The following WDR27 variants were observed in gnomAD, a reference collection of about 807,000 sequenced individuals.
The protein encoded by WDR27 is WD repeat domain 27, also known as WD repeat-containing protein 27.
Under a neutral mutation model 114.4 loss-of-function variants are expected in WDR27, and 100 were observed. That is an observed-to-expected ratio of 0.87 (90% CI 0.74 to 1.03). WDR27 has a LOEUF of 1.03. Ranked by LOEUF, WDR27 falls within the 50% of genes least tolerant of loss-of-function variation. The probability of loss-of-function intolerance (pLI) is 0.00; values close to 1 mark genes in which losing one functional copy is unlikely to be tolerated. For synonymous variants in WDR27, 449 were observed against 423.1 expected (o/e 1.06, Z -0.75); for missense variants, 1,129 against 1,092.9 (o/e 1.03, Z -0.47).
chr6:169,547,284 G>T (rs1286705978), intron 25 of WDR27, among the ~76,000 whole-genome samples: 1 of 151,872 alleles, frequency 6.6e-6, no homozygotes, highest in Non-Finnish European at 1.5e-5. Flanking sequence ...TCCTTTAAAG[G>T]ATAGAAACAG....
rs556149488 is a variant in WDR27, at chr6:169,700,175, T to C, written c.-8+1376A>G. ...GTCATATTTAACCACTGCATTTTAG[T>C]GGGGAGAGCAACTAGTTTGTCTTCT... On this transcript the variant is annotated intron_variant, in intron 1 of 25. Transcript: ENST00000448612. Among the ~76,000 whole-genome samples, 5 of 152,312 alleles carry C rather than the reference T, an allele frequency of 3.3e-5. No homozygotes were observed. In the East Asian group the frequency reaches 5.8e-4, roughly 18 times the overall value.
At chr6:169,559,282 A>T (rs937701083) in intron 25 of WDR27, 1 of 152,228 alleles carries the variant, frequency 6.6e-6, no homozygotes, top group African/African-American at 2.4e-5. Context: ...TGTAGTCTGT[A>T]CGGCAGCCTT....
chr6:169,665,387 G>A (rs1246138808), intron 7 of WDR27, 99 bp downstream of exon 7: 70 of 1,479,282 alleles, frequency 4.7e-5, no homozygotes, highest in African/African-American at 7.1e-5. Context: ...TTTTCAAATC[G>A]CAGGAAAATA....
chr6:169,484,170 G>A (rs1788569672), intron 25 of WDR27, among the ~76,000 whole-genome samples: 2 of 152,090 alleles, frequency 1.3e-5, no homozygotes, highest in East Asian at 3.9e-4. Context: ...GGAAGTCCTG[G>A]CCAGAGCAAT....
intron 24 of WDR27, among the ~76,000 whole-genome samples, chr6:169,577,825 C>A (rs1802680760): frequency 6.6e-6 from 1 of 152,142 alleles, no homozygotes; most frequent in African/African-American, 2.4e-5. Flanking sequence ...TGGTCTCCTC[C>A]CCTTGGGCTA....
chr6:169,591,425 T>C (rs1393734866), intron 23 of WDR27, among the ~76,000 whole-genome samples: 1 of 152,216 alleles, frequency 6.6e-6, no homozygotes, highest in Non-Finnish European at 1.5e-5. Flanking sequence ...TGCAATTCTC[T>C]AAGAAATAAC....
chr6:169,634,475 C>G lies in WDR27; in HGVS notation c.2054G>C (p.Gly685Ala). 1 of 1,613,326 alleles carries G rather than the reference C, an allele frequency of 6.2e-7. No homozygotes were observed. Among genetic ancestry groups the G allele is most frequent in the African/African-American group, 1.3e-5 (1 of 75,022 alleles). Residue 685 changes from glycine to alanine, a missense_variant, in exon 20 of 26, where the codon GGT (glycine) becomes GCT (alanine). Transcript: ENST00000448612. Reference protein sequence around the residue: ...SKLICRLSTTGAVDMTSLSAV... With the variant: ...SKLICRLSTTAAVDMTSLSAV... Reference sequence around the variant, plus strand: ...CGATAAACTGGTCATGTCTACTGCACCCGTCGTGGAGAGCCTGCAAATCAG... The same window carrying G: ...CGATAAACTGGTCATGTCTACTGCAGCCGTCGTGGAGAGCCTGCAAATCAG...
At chr6:169,474,988 C>T (rs537763920) in intron 25 of WDR27, among the ~76,000 whole-genome samples, 2 of 152,152 alleles carry the variant, frequency 1.3e-5, no homozygotes, top group Admixed American at 1.3e-4. Context: ...CCCAGTGACT[C>T]TGAGGTCTAG....
Position 169,668,067 on chromosome 6 carries a change from C to T in WDR27, c.575G>A (p.Gly192Asp), listed in dbSNP as rs1828378908. The T allele has an allele frequency of 1.9e-6, 3 of 1,613,918 alleles. No individual in the cohort carries two copies. The highest frequency in any genetic ancestry group is 2.5e-6 in the Non-Finnish European group (3 of 1,179,798). ...QTQAVRAELQ[G>D]HLGPVTAVEF... ...CACCGCAGTCACCGGGCCCAGGTGG[C>T]CCTGCAGCTCGGCCCGAACAGCCTG... Residue 192 changes from glycine to aspartate, a missense_variant, in exon 5 of 26, where the codon GGC becomes GAC. Coordinates refer to ENST00000448612, the MANE Select transcript of WDR27 (RefSeq NM_182552.5).
chr6:169,481,753 G>A (rs554801744), intron 25 of WDR27, among the ~76,000 whole-genome samples: 26 of 152,104 alleles, frequency 1.7e-4, no homozygotes, highest in Non-Finnish European at 4.4e-5. Context: ...AACAACTCCA[G>A]ACGTGCCTCC....
intron 17 of WDR27, among the ~76,000 whole-genome samples, chr6:169,642,078 C>T (rs1256309185): frequency 6.6e-6 from 1 of 152,176 alleles, no homozygotes; most frequent in Non-Finnish European, 1.5e-5. Context: ...GATGTGCTAC[C>T]TGACTGTATG....
chr6:169,608,322 A>G (rs1310784421), intron 22 of WDR27, among the ~76,000 whole-genome samples: 2 of 152,152 alleles, frequency 1.3e-5, no homozygotes, highest in East Asian at 3.9e-4. Context: ...TATGGAACCA[A>G]TCTAAGTGCC....
chr6:169,670,568 C>T lies in WDR27; in HGVS notation c.456+1G>A. 1 of 1,613,994 alleles carries T rather than the reference C, an allele frequency of 6.2e-7. No individual in the cohort carries two copies. The highest frequency in any genetic ancestry group is 8.5e-7 in the Non-Finnish European group (1 of 1,179,868). On this transcript the variant is annotated splice_donor_variant, in intron 4 of 25. Coordinates refer to ENST00000448612, the MANE Select transcript of WDR27 (RefSeq NM_182552.5). LOFTEE classifies it high-confidence loss of function. ...GAAATCCACGTGAATTTCAATCTTA[C>T]CTCAATATCCAGCATGAATATTTTG...
intron 25 of WDR27, among the ~76,000 whole-genome samples, chr6:169,533,013 G>A: frequency 6.6e-6 from 1 of 152,040 alleles, no homozygotes. Context: ...GAGATGTAGA[G>A]GTCTCAAGAG....
At chr6:169,556,711 C>A (rs1034285476) in intron 25 of WDR27, among the ~76,000 whole-genome samples, 1 of 152,084 alleles carries the variant, frequency 6.6e-6, no homozygotes, top group East Asian at 1.9e-4. Context: ...TACTGCAATA[C>A]CTGTCTAGAG....
chr6:169,475,412 G>A (rs919511288), intron 25 of WDR27, among the ~76,000 whole-genome samples: 2 of 151,996 alleles, frequency 1.3e-5, no homozygotes, highest in African/African-American at 4.8e-5. Flanking sequence ...TAGTAGAGAC[G>A]GGTTTTTGCC....
At chr6:169,552,512 TC>T (rs1379341131) in intron 25 of WDR27, among the ~76,000 whole-genome samples, 1 of 152,154 alleles carries the variant, frequency 6.6e-6, no homozygotes, top group African/African-American at 2.4e-5. Context: ...TCATAAACTT[TC>T]TTGAATTAAT....
chr6:169,477,724 G>A (rs1409608005), intron 25 of WDR27, among the ~76,000 whole-genome samples: 1 of 152,162 alleles, frequency 6.6e-6, no homozygotes, highest in Non-Finnish European at 1.5e-5. Context: ...GTGATCCACT[G>A]TGCCTGGACT....
At chr6:169,503,038 ACT>A (rs2115493576) in intron 25 of WDR27, among the ~76,000 whole-genome samples, 2 of 152,090 alleles carry the variant, frequency 1.3e-5, no homozygotes, top group South Asian at 4.2e-4. Context: ...ATTTCATGAG[ACT>A]CTGCGGAGTA....
Sources: allele counts gnomAD v4.1 joint callset (sites outside exome capture counted in the v4.1 genomes callset), GRCh38; gene constraint gnomAD v4.1.1; transcripts MANE v1.5; gene names NCBI Gene and HGNC (gene_info 2026-07-23, HGNC 2026-07-21).